AKAP13: variants seen among roughly 807,000 people sequenced by gnomAD.
The protein encoded by AKAP13 is A-kinase anchoring protein 13.
A neutral mutation model predicts 264.5 loss-of-function variants in AKAP13; 80 were observed. The ratio of observed to expected loss-of-function variants is 0.30; its 90% CI spans 0.25 to 0.36. The LOEUF (loss-of-function observed/expected upper bound fraction) is 0.36. Ranked by LOEUF, AKAP13 falls within the 10% of genes least tolerant of loss-of-function variation. The pLI is 1.00. For missense variants in AKAP13, 3,712 were observed against 3,435.2 expected (o/e 1.08, Z -2.01); for synonymous variants, 1,380 against 1,250.2 (o/e 1.10, Z -2.19).
chr15:85,566,947 C>A (rs1359326936), intron 5 of AKAP13, among the ~76,000 whole-genome samples: 1 of 151,642 alleles, frequency 6.6e-6, no homozygotes, highest in Non-Finnish European at 1.5e-5. Flanking sequence ...TGACTTTATT[C>A]AAGAGAAAAA....
At chr15:85,471,607 C>G (rs777759726) in intron 1 of AKAP13, among the ~76,000 whole-genome samples, 1 of 152,228 alleles carries the variant, frequency 6.6e-6, no homozygotes, top group Non-Finnish European at 1.5e-5. Context: ...TAACTGCGTA[C>G]GTAACCACCA....
At chr15:85,642,255 C>G (rs2082340440) in intron 9 of AKAP13, among the ~76,000 whole-genome samples, 1 of 152,142 alleles carries the variant, frequency 6.6e-6, no homozygotes, top group Non-Finnish European at 1.5e-5. Flanking sequence ...TAGGGAAGTA[C>G]TAATCATCTC....
intron 8 of AKAP13, among the ~76,000 whole-genome samples, chr15:85,597,791 T>C (rs1218805963): frequency 1.3e-5 from 2 of 152,124 alleles, no homozygotes; most frequent in Non-Finnish European, 1.5e-5. Context: ...TGTTGTGTGT[T>C]ACCTTCCTTG....
At chr15:85,426,988 C>G (rs372783954) in intron 1 of AKAP13, among the ~76,000 whole-genome samples, 29 of 137,410 alleles carry the variant, frequency 2.1e-4, no homozygotes, top group African/African-American at 7.8e-4. Context: ...CGGAGTCTCA[C>G]ACTGTCACCG....
intron 1 of AKAP13, among the ~76,000 whole-genome samples, chr15:85,477,217 G>A (rs1371931681): frequency 1.3e-5 from 2 of 151,886 alleles, no homozygotes; most frequent in African/African-American, 2.4e-5. Flanking sequence ...TTTTAGGAAG[G>A]TTGAGTCAGA....
chr15:85,474,493 ACTGT>A (rs1347488989), intron 1 of AKAP13, among the ~76,000 whole-genome samples: 2 of 152,252 alleles, frequency 1.3e-5, no homozygotes, highest in African/African-American at 2.4e-5. Flanking sequence ...AGCAAGAATG[ACTGT>A]CTAAGGGATT....
chr15:85,465,043 CCAT>C (rs2074672598), intron 1 of AKAP13, among the ~76,000 whole-genome samples: 1 of 152,066 alleles, frequency 6.6e-6, no homozygotes, highest in Middle Eastern at 3.2e-3. Flanking sequence ...TGGGTTCATG[CCAT>C]ACTCCTGCCT....
intron 1 of AKAP13, among the ~76,000 whole-genome samples, chr15:85,397,396 G>T (rs2150824604): frequency 6.6e-6 from 1 of 152,292 alleles, no homozygotes; most frequent in South Asian, 2.1e-4. Flanking sequence ...ACTGGGATAT[G>T]TGCCCATAAA....
At chr15:85,677,170 G>C (rs1203973200) in intron 14 of AKAP13, 2 of 980,210 alleles carry the variant, frequency 2.0e-6, no homozygotes, top group Admixed American at 6.1e-5. Flanking sequence ...CTGTAGGCTT[G>C]GTACTAAGAA....
chr15:85,382,645 T>G (rs977811848), intron 1 of AKAP13, among the ~76,000 whole-genome samples: 2 of 152,172 alleles, frequency 1.3e-5, no homozygotes, highest in African/African-American at 4.8e-5. Context: ...TACTATTGTT[T>G]TAGGATTTCT....
At chr15:85,478,365 A>C (rs2075245441) in intron 1 of AKAP13, among the ~76,000 whole-genome samples, 1 of 152,202 alleles carries the variant, frequency 6.6e-6, no homozygotes, top group Non-Finnish European at 1.5e-5. Context: ...TAAACTCTAA[A>C]ATGATTATAA....
At chr15:85,736,474 G>A (rs1026703131) in intron 33 of AKAP13, among the ~76,000 whole-genome samples, 2 of 151,930 alleles carry the variant, frequency 1.3e-5, no homozygotes, top group South Asian at 4.1e-4. Flanking sequence ...TCACTCTATC[G>A]CCCAGCTCGC....
chr15:85,714,630 C>A (rs1192251513), intron 19 of AKAP13, among the ~76,000 whole-genome samples: 1 of 152,206 alleles, frequency 6.6e-6, no homozygotes, highest in Non-Finnish European at 1.5e-5. Flanking sequence ...TCCTAAAGAA[C>A]GCTGCTCCCA....
intron 34 of AKAP13, among the ~76,000 whole-genome samples, 197 bp from the exon 35 acceptor site, chr15:85,740,849 C>T (rs1165959703): frequency 6.7e-6 from 1 of 148,422 alleles, no homozygotes; most frequent in Non-Finnish European, 1.5e-5. Context: ...CCCGTGAGTT[C>T]CTGCACCTTT....
intron 15 of AKAP13, among the ~76,000 whole-genome samples, chr15:85,682,476 T>C (rs576067527): frequency 2.6e-5 from 4 of 152,344 alleles, no homozygotes; most frequent in Admixed American, 2.0e-4. Flanking sequence ...TATTTGACTT[T>C]ATGAACTTGT....
chr15:85,413,066 TCTG>T (rs1275386516), intron 1 of AKAP13, among the ~76,000 whole-genome samples: 1 of 152,360 alleles, frequency 6.6e-6, no homozygotes, highest in East Asian at 1.9e-4. Flanking sequence ...ATCAGGATGT[TCTG>T]CTGCCTCACA....
chr15:85,716,048 G>A, intron 20 of AKAP13, 125 bp downstream of exon 20: 1 of 1,259,396 alleles, frequency 7.9e-7, no homozygotes, highest in Admixed American at 3.3e-5. Context: ...ATGGGTTGGT[G>A]CAGACAAGGA....
At chr15:85,462,649 C>T (rs2074559998) in intron 1 of AKAP13, among the ~76,000 whole-genome samples, 1 of 152,140 alleles carries the variant, frequency 6.6e-6, no homozygotes, top group African/African-American at 2.4e-5. Flanking sequence ...TTACTATACT[C>T]ATTTACACAC....
chr15:85,454,204 G>A (rs1387226584), intron 1 of AKAP13, among the ~76,000 whole-genome samples: 4 of 152,226 alleles, frequency 2.6e-5, no homozygotes, highest in East Asian at 1.9e-4. Flanking sequence ...CCTGCTGGAG[G>A]TACAGCTACT....
Sources: gnomAD v4.1 joint callset for allele counts (sites outside exome capture counted in the v4.1 genomes callset) on GRCh38, gnomAD v4.1.1 for gene constraint, MANE v1.5 for transcripts, NCBI Gene and HGNC (gene_info 2026-07-23, HGNC 2026-07-21) for gene names.